GRIN3A: variants seen among roughly 807,000 people sequenced by gnomAD.
The protein encoded by GRIN3A is glutamate ionotropic receptor NMDA type subunit 3A.
Under a neutral mutation model 92.4 loss-of-function variants are expected in GRIN3A, and 47 were observed. That is an observed-to-expected ratio of 0.51 (90% CI 0.40 to 0.65). The LOEUF (loss-of-function observed/expected upper bound fraction) is 0.65. GRIN3A is among the 30% of genes least tolerant of loss of function. The probability of loss-of-function intolerance (pLI) is 0.00; values close to 1 mark genes in which losing one functional copy is unlikely to be tolerated. For synonymous variants in GRIN3A, 527 were observed against 540.6 expected (o/e 0.97, Z 0.35); for missense variants, 1,324 against 1,393.1 (o/e 0.95, Z 0.79).
rs773985266 is a variant in GRIN3A at position 101,737,347 on chromosome 9, C to G, written c.633G>C (p.Leu211Phe). 1.2e-6 allele frequency: 2 copies of G among 1,614,218 alleles called. No homozygotes were observed. Among genetic ancestry groups the G allele is most frequent in the African/African-American group, 1.3e-5 (1 of 75,062 alleles). ...QSQGEMMELDLVSLVLHIPVI... is the reference protein window; with the variant it reads ...QSQGEMMELDFVSLVLHIPVI... Reference sequence around the variant, plus strand: ...CTGGAATGTGCAGGACTAAGCTGACCAAGTCGAGCTCCATCATTTCGCCCT... The same window carrying G: ...CTGGAATGTGCAGGACTAAGCTGACGAAGTCGAGCTCCATCATTTCGCCCT... Residue 211 changes from leucine to phenylalanine, a missense_variant, in exon 1 of 9, where the codon TTG (leucine) becomes TTC (phenylalanine). By Grantham distance (22) the Leu-to-Phe change is conservative. Coordinates refer to ENST00000361820, the MANE Select transcript of GRIN3A (RefSeq NM_133445.3).
chr9:101,594,580 C>A, intron 6 of GRIN3A: 1 of 1,614,212 alleles, frequency 6.2e-7, no homozygotes, highest in Non-Finnish European at 8.5e-7. Context: ...TCTTCAGCAC[C>A]TGGAAGAGCT....
At chr9:101,678,169 A>G (rs1421016175) in intron 2 of GRIN3A, among the ~76,000 whole-genome samples, 1 of 152,186 alleles carries the variant, frequency 6.6e-6, no homozygotes, top group Non-Finnish European at 1.5e-5. Flanking sequence ...GGGTAAATGC[A>G]ATTAAACACA....
In GRIN3A at chr9:101,613,526, T is replaced by C; in HGVS notation, c.2616A>G (p.Gly872=). The C allele has an allele frequency of 6.2e-7, 1 of 1,614,150 alleles. No homozygotes were observed. The highest frequency in any genetic ancestry group is 8.5e-7 in the Non-Finnish European group (1 of 1,179,994). Residue 872 remains glycine (G), a splice_region_variant and synonymous_variant, in exon 6 of 9, where the codon GGA becomes GGG. Coordinates refer to ENST00000361820, the MANE Select transcript of GRIN3A (RefSeq NM_133445.3). ...LTVGKPFAIE[G]YGIGLPPNSP... ...AGTTGGGTGGGAGGCCAATGCCGTA[T>C]CCTAGAAGAAAATACAATCTCAGAT...
chr9:101,624,718 A>C (rs1323640617), intron 4 of GRIN3A, among the ~76,000 whole-genome samples: 1 of 152,242 alleles, frequency 6.6e-6, no homozygotes, highest in South Asian at 2.1e-4. Flanking sequence ...AGCATGATTT[A>C]TAGTTCTTTG....
At chr9:101,667,007 A>G (rs1452706097) in intron 3 of GRIN3A, among the ~76,000 whole-genome samples, 1 of 151,988 alleles carries the variant, frequency 6.6e-6, no homozygotes, top group Non-Finnish European at 1.5e-5. Context: ...CCATGGATCT[A>G]TATTGAAGTT....
intron 3 of GRIN3A, among the ~76,000 whole-genome samples, chr9:101,630,360 A>G (rs2118882262): frequency 6.6e-6 from 1 of 152,356 alleles, no homozygotes; most frequent in African/African-American, 2.4e-5. Context: ...ATCTGTGCTG[A>G]TATAGTAGCT....
chr9:101,687,016 A>G lies in GRIN3A; in HGVS notation c.884T>C (p.Ile295Thr), dbSNP rs1400157951. ...NNSKFHLGSI[I>T]NITANLPSTQ... is the part of the protein sequence containing the mutation. ...GGAGGGGAGGTTAGCGGTGATGTTG[A>G]TGATAGAACCAAGGTGGAACTTGGA... is the stretch of plus-strand genomic sequence containing the variant. Residue 295 changes from isoleucine to threonine, a missense_variant, in exon 2 of 9, where the codon ATC becomes ACC. Transcript: ENST00000361820. The G allele has an allele frequency of 5.0e-6, 8 of 1,614,010 alleles. No homozygotes were observed. The African/African-American group carries it at 8.0e-5, about 16-fold the overall frequency.
chr9:101,594,799 C>T (rs753743289), intron 6 of GRIN3A: 21 of 1,613,146 alleles, frequency 1.3e-5, no homozygotes, highest in Non-Finnish European at 1.7e-5. Flanking sequence ...ACATGAACTC[C>T]TCCACGCTCA....
chr9:101,736,684 C>T (rs1288274504), intron 1 of GRIN3A, among the ~76,000 whole-genome samples: 1 of 152,074 alleles, frequency 6.6e-6, no homozygotes, highest in East Asian at 1.9e-4. Context: ...ACTAATTGAC[C>T]ACTCTTCTCT....
intron 1 of GRIN3A, among the ~76,000 whole-genome samples, chr9:101,729,404 T>C (rs1419260488): frequency 6.6e-6 from 1 of 152,158 alleles, no homozygotes. Context: ...CCCATTTTCT[T>C]GCCTTTGAGT....
In GRIN3A at chr9:101,737,824, C is replaced by G. The variant is rs777027741; in HGVS notation, c.156G>C (p.Ala52=). ...CGGTGGTCCAGGGCTGCAAGTGCAC[C>G]GCGCCCACCCTCACCGCGTGCCCGA... ...KRIGHAVRVG[A]VHLQPWTTAP... Residue 52 remains alanine, a synonymous_variant, in exon 1 of 9, where the codon GCG becomes GCC. Coordinates refer to ENST00000361820, the MANE Select transcript of GRIN3A (RefSeq NM_133445.3). 1.2e-5 allele frequency: 19 copies of G among 1,532,148 alleles called. No homozygotes were observed. The highest frequency in any genetic ancestry group is 2.0e-5 in the Admixed American group (1 of 50,880). 94.9% of individuals were successfully genotyped at this position (1,532,148 alleles called of 1,614,324 possible). A position where few individuals can be genotyped will look rare whatever the true frequency, so the allele number is the denominator to read the frequency against.
intron 5 of GRIN3A, among the ~76,000 whole-genome samples, chr9:101,620,127 T>C (rs1335761080): frequency 6.6e-6 from 1 of 152,204 alleles, no homozygotes; most frequent in Non-Finnish European, 1.5e-5. Context: ...CTCAGGCTTC[T>C]ATAACAAAAT....
At position 101,623,424 on chromosome 9, in the gene GRIN3A, T is replaced by C. The variant is rs1828584707; in HGVS notation, c.2508A>G (p.Pro836=). ...CCATGATGAAGGCGTCTAGTTTCTCTGGATCATTCCTATATTTAAGACCAG... is the reference window on the plus strand; with the variant it reads ...CCATGATGAAGGCGTCTAGTTTCTCCGGATCATTCCTATATTTAAGACCAG... The part of the protein sequence containing the change: ...PDGVEYLKND[P]EKLDAFIMDK... The change falls in exon 5 of 9, where the codon CCA becomes CCG. Residue 836 remains proline (P), a synonymous_variant. Transcript: ENST00000361820. The C allele has an allele frequency of 6.2e-7, 1 of 1,601,628 alleles. No individual in the cohort carries two copies. Among genetic ancestry groups the C allele is most frequent in the Non-Finnish European group, 8.6e-7 (1 of 1,168,720 alleles).
chr9:101,621,261 G>C (rs1828550394), intron 5 of GRIN3A, among the ~76,000 whole-genome samples: 1 of 147,558 alleles, frequency 6.8e-6, no homozygotes, highest in Admixed American at 6.8e-5. Context: ...CTCCAGCCTG[G>C]ATGATAGAGT....
intron 1 of GRIN3A, among the ~76,000 whole-genome samples, chr9:101,723,423 G>C (rs2119031956): frequency 6.6e-6 from 1 of 152,316 alleles, no homozygotes; most frequent in Admixed American, 6.5e-5. Flanking sequence ...GACCTTCGTG[G>C]TGAGTGTTAC....
chr9:101,578,929 A>G (rs1254047300), intron 7 of GRIN3A, among the ~76,000 whole-genome samples: 1 of 152,210 alleles, frequency 6.6e-6, no homozygotes, highest in Non-Finnish European at 1.5e-5. Context: ...CTATTAAGTG[A>G]AACCTGGTTA....
At chr9:101,685,915 A>G (rs915768586) in intron 2 of GRIN3A, among the ~76,000 whole-genome samples, 2 of 152,044 alleles carry the variant, frequency 1.3e-5, no homozygotes, top group Non-Finnish European at 2.9e-5. Flanking sequence ...TGAATATAGA[A>G]CAAAGGAAAT....
At chr9:101,622,896 T>C (rs966857541) in intron 5 of GRIN3A, among the ~76,000 whole-genome samples, 1 of 151,934 alleles carries the variant, frequency 6.6e-6, no homozygotes, top group Non-Finnish European at 1.5e-5. Flanking sequence ...AAAATACAGA[T>C]TTCCCTGAAT....
intron 2 of GRIN3A, 42 bp downstream of exon 2, chr9:101,686,554 T>C (rs1369864339): frequency 1.2e-6 from 2 of 1,611,268 alleles, no homozygotes; most frequent in East Asian, 4.5e-5. Flanking sequence ...CTCTCTGTCA[T>C]GGCCCTATGA....
Sources: allele counts gnomAD v4.1 joint callset (sites outside exome capture counted in the v4.1 genomes callset), GRCh38; gene constraint gnomAD v4.1.1; transcripts MANE v1.5; gene names NCBI Gene and HGNC (gene_info 2026-07-23, HGNC 2026-07-21).